Variants in RPRD1B observed in about 807,000 individuals in gnomAD.
RPRD1B encodes the protein regulation of nuclear pre-mRNA domain-containing protein 1B.
Under a neutral mutation model 41.5 loss-of-function variants are expected in RPRD1B, and 11 were observed. The ratio of observed to expected loss-of-function variants is 0.27; its 90% CI spans 0.17 to 0.44. The LOEUF (loss-of-function observed/expected upper bound fraction) is 0.44. RPRD1B is among the 20% of genes least tolerant of loss of function. The pLI is 1.00. For synonymous variants in RPRD1B, 158 were observed against 155.6 expected (o/e 1.02, Z -0.12); for missense variants, 248 against 389.9 (o/e 0.64, Z 3.06).
At chr20:38,038,485 GTTTTGTTTTTTT>G (rs2074027223) in intron 1 of RPRD1B, among the ~76,000 whole-genome samples, 1 of 83,120 alleles carries the variant, frequency 1.2e-5, no homozygotes, top group African/African-American at 5.6e-5. Flanking sequence ...GATTTTTTTT[GTTTTGTTTTTTT>G]TTTTTTTTTT....
intron 6 of RPRD1B, among the ~76,000 whole-genome samples, chr20:38,078,118 T>C (rs2074481224): frequency 6.6e-6 from 1 of 151,004 alleles, no homozygotes. Flanking sequence ...CAATGAGCCA[T>C]GATCGTGCCA....
intron 6 of RPRD1B, among the ~76,000 whole-genome samples, chr20:38,072,976 A>G (rs1223950122): frequency 2.0e-5 from 3 of 152,212 alleles, no homozygotes; most frequent in Non-Finnish European, 4.4e-5. Flanking sequence ...AGATCATATA[A>G]TCAGACTTCT....
intron 6 of RPRD1B, among the ~76,000 whole-genome samples, chr20:38,085,888 G>A (rs1167084259): frequency 2.0e-5 from 3 of 147,320 alleles, no homozygotes; most frequent in Non-Finnish European, 4.4e-5. Context: ...CACCCAGGCT[G>A]GAGTGCAGTG....
intron 2 of RPRD1B, among the ~76,000 whole-genome samples, chr20:38,043,142 A>C (rs1568643902): frequency 6.6e-6 from 1 of 152,202 alleles, no homozygotes; most frequent in Non-Finnish European, 1.5e-5. Context: ...GACAATATGG[A>C]CATAGTAAAA....
At chr20:38,075,698 A>G in intron 6 of RPRD1B, among the ~76,000 whole-genome samples, 1 of 152,228 alleles carries the variant, frequency 6.6e-6, no homozygotes, top group East Asian at 1.9e-4. Flanking sequence ...CTAAAATGTT[A>G]GACTTGAAAT....
intron 6 of RPRD1B, among the ~76,000 whole-genome samples, chr20:38,067,924 A>G (rs1303484295): frequency 6.6e-6 from 1 of 152,262 alleles, no homozygotes; most frequent in Non-Finnish European, 1.5e-5. Context: ...TCTGTCAGAC[A>G]TTGATTATCA....
rs539322943 is a variant in RPRD1B at position 38,076,084 on chromosome 20, T to C, written c.831+9828T>C. ...AATTATGAATGGACAAATCCTACTT[T>C]TACTCATGATGTCCTTTTCCCAGTC... On this transcript the variant is annotated intron_variant, in intron 6 of 6. Coordinates refer to ENST00000373433, the MANE Select transcript of RPRD1B (RefSeq NM_021215.4). Among the ~76,000 whole-genome samples the C allele has an allele frequency of 5.9e-5, 9 of 152,346 alleles. No homozygotes were observed. In the East Asian group the frequency reaches 9.6e-4, roughly 16 times the overall value.
At chr20:38,046,407 CAG>C (rs2074121635) in intron 2 of RPRD1B, among the ~76,000 whole-genome samples, 1 of 152,202 alleles carries the variant, frequency 6.6e-6, no homozygotes, top group Non-Finnish European at 1.5e-5. Flanking sequence ...TACAATTTGA[CAG>C]ATATTCATTG....
intron 2 of RPRD1B, among the ~76,000 whole-genome samples, chr20:38,043,958 T>C (rs528500753): frequency 6.6e-6 from 1 of 152,280 alleles, no homozygotes; most frequent in East Asian, 1.9e-4. Context: ...GAGACTTGAT[T>C]TCTGGAGACA....
At chr20:38,062,840 T>TCCC (rs1568654107) in intron 5 of RPRD1B, among the ~76,000 whole-genome samples, 11 of 30,984 alleles carry the variant, frequency 3.6e-4, no homozygotes, top group African/African-American at 5.3e-4. Context: ...CCCCCCCCCT[T>TCCC]TTTTTTTTTT....
chr20:38,041,695 G>C (rs1600678711), intron 2 of RPRD1B, among the ~76,000 whole-genome samples: 1 of 152,206 alleles, frequency 6.6e-6, no homozygotes, highest in South Asian at 2.1e-4. Context: ...TGGTAGCTCT[G>C]CCTCAGACAC....
At chr20:38,067,280 C>T (rs894921364) in intron 6 of RPRD1B, among the ~76,000 whole-genome samples, 4 of 152,138 alleles carry the variant, frequency 2.6e-5, no homozygotes, top group African/African-American at 9.7e-5. Context: ...TGCTGCACTT[C>T]CTTTTCAGGA....
In RPRD1B at chr20:38,090,310, C is replaced by T. The variant is rs1236004884; in HGVS notation, c.*435C>T. 1 of 987,640 alleles carries T rather than the reference C, an allele frequency of 1.0e-6. No homozygotes were observed. Among genetic ancestry groups the T allele is most frequent in the African/African-American group, 1.7e-5 (1 of 57,274 alleles). The allele number at this position is 987,640 out of a possible 1,614,324, so 61.2% of individuals were successfully genotyped here. The stretch of plus-strand genomic sequence containing the variant: ...AGTTCGGTGTGGGCTTCCACTAAGG[C>T]ACTTGTCCTGGAGACGTTGGCTTTC... On this transcript the variant is annotated 3_prime_UTR_variant, in exon 7 of 7. Transcript: ENST00000373433.
At chr20:38,042,791 C>G (rs1296314991) in intron 2 of RPRD1B, among the ~76,000 whole-genome samples, 1 of 152,020 alleles carries the variant, frequency 6.6e-6, no homozygotes, top group East Asian at 1.9e-4. Flanking sequence ...GATAGTTGAC[C>G]CATTACTGTT....
At chr20:38,045,739 C>T (rs930402019) in intron 2 of RPRD1B, among the ~76,000 whole-genome samples, 8 of 152,154 alleles carry the variant, frequency 5.3e-5, no homozygotes, top group African/African-American at 1.9e-4. Flanking sequence ...AATTTATTCT[C>T]GAGACTGGTT....
At chr20:38,075,194 G>T (rs2074447554) in intron 6 of RPRD1B, among the ~76,000 whole-genome samples, 1 of 152,178 alleles carries the variant, frequency 6.6e-6, no homozygotes. Context: ...ACATTTCACG[G>T]TCTCTGCCAC....
intron 6 of RPRD1B, 95 bp from the exon 7 acceptor site, chr20:38,089,631 G>T: frequency 4.0e-6 from 4 of 1,006,110 alleles, no homozygotes; most frequent in Non-Finnish European, 3.0e-6. Flanking sequence ...GGACAAGGAA[G>T]AACACGAGGA....
chr20:38,059,073 A>C (rs1273510770), intron 4 of RPRD1B, among the ~76,000 whole-genome samples: 1 of 152,182 alleles, frequency 6.6e-6, no homozygotes, highest in Non-Finnish European at 1.5e-5. Flanking sequence ...GAAATGATAC[A>C]TCATTTGAAA....
chr20:38,047,276 A>G (rs986795751), intron 2 of RPRD1B, among the ~76,000 whole-genome samples: 12 of 152,324 alleles, frequency 7.9e-5, no homozygotes, highest in African/African-American at 2.4e-4. Context: ...TCCTTTAGTC[A>G]GTGAAATTTA....
Sources: allele counts gnomAD v4.1 joint callset (sites outside exome capture counted in the v4.1 genomes callset), GRCh38; gene constraint gnomAD v4.1.1; transcripts MANE v1.5; gene names NCBI Gene and HGNC (gene_info 2026-07-23, HGNC 2026-07-21).